TOGARAM2: variants seen among roughly 807,000 people sequenced by gnomAD.
The protein encoded by TOGARAM2 is TOG array regulator of axonemal microtubules 2.
A neutral mutation model predicts 93.3 loss-of-function variants in TOGARAM2; 85 were observed. That is an observed-to-expected ratio of 0.91 (90% CI 0.76 to 1.09). The LOEUF is 1.09. Ranked by LOEUF, TOGARAM2 falls within the 50% of genes least tolerant of loss-of-function variation. The probability of loss-of-function intolerance (pLI) is 0.00; values close to 1 mark genes in which losing one functional copy is unlikely to be tolerated. For missense variants in TOGARAM2, 1,277 were observed against 1,334.5 expected, an observed-to-expected ratio of 0.96 and a Z score of 0.67; for synonymous variants, 593 against 552.8, an observed-to-expected ratio of 1.07 and a Z score of -1.02.
At chr2:29,042,631 G>A (rs188010505) in intron 18 of TOGARAM2, among the ~76,000 whole-genome samples, 7 of 152,312 alleles carry the variant, frequency 4.6e-5, no homozygotes, top group Non-Finnish European at 7.3e-5. Flanking sequence ...CCCTGTCTCA[G>A]CTGCTTAGTC....
intron 18 of TOGARAM2, among the ~76,000 whole-genome samples, chr2:29,040,805 A>G (rs1251991020): frequency 6.6e-6 from 1 of 152,124 alleles, no homozygotes. Context: ...GCCTGCTGCC[A>G]CTAGACTCTC....
chr2:29,033,694 T>C (rs1411241049), intron 16 of TOGARAM2, 131 bp downstream of exon 16: 3 of 751,850 alleles, frequency 4.0e-6, no homozygotes, highest in African/African-American at 1.8e-5. Context: ...TAGTTGGGGC[T>C]GCAATACTAA....
intron 1 of TOGARAM2, among the ~76,000 whole-genome samples, chr2:28,988,156 C>T (rs1413884832): frequency 6.6e-6 from 1 of 152,226 alleles, no homozygotes; most frequent in Non-Finnish European, 1.5e-5. Context: ...TCCCGATAAT[C>T]AGATGGCAAT....
intron 1 of TOGARAM2, among the ~76,000 whole-genome samples, chr2:28,969,905 C>T (rs565146934): frequency 4.6e-5 from 7 of 151,300 alleles, no homozygotes; most frequent in Non-Finnish European, 8.8e-5. Flanking sequence ...CTCTGCATCC[C>T]GGGTTCAAGC....
At chr2:28,958,192 A>C (rs1671752317) in intron 1 of TOGARAM2, among the ~76,000 whole-genome samples, 1 of 152,072 alleles carries the variant, frequency 6.6e-6, no homozygotes, top group South Asian at 2.1e-4. Flanking sequence ...CAGGTGTAAG[A>C]GATTATCTAG....
chr2:29,038,925 G>A (rs1400256072), intron 18 of TOGARAM2, among the ~76,000 whole-genome samples: 3 of 152,240 alleles, frequency 2.0e-5, no homozygotes, highest in African/African-American at 7.2e-5. Context: ...ACTGGAGGGA[G>A]TAGGTTACCA....
At position 29,003,621 on chromosome 2, in the gene TOGARAM2, CT is replaced by C; in HGVS notation, c.771del (p.Ser259AlafsTer13). The C allele has an allele frequency of 1.3e-6, 2 of 1,592,926 alleles. No individual in the cohort carries two copies. The highest frequency in any genetic ancestry group is 1.7e-6 in the Non-Finnish European group (2 of 1,170,858). On this transcript the variant is annotated frameshift_variant, in exon 6 of 20. Transcript: ENST00000379558. LOFTEE classifies it high-confidence loss of function. ...AATPSRVPGS[L>X]PSPLPPGQGV... Reference sequence around the variant, plus strand: ...GACCCCCTCCCGTGTGCCTGGCTCCCTTCCCAGCCCGTTACCTCCAGGCCAG... The same window carrying C: ...GACCCCCTCCCGTGTGCCTGGCTCCCTCCCAGCCCGTTACCTCCAGGCCAG...
At chr2:28,974,810 T>A (rs927511693) in intron 1 of TOGARAM2, among the ~76,000 whole-genome samples, 6 of 151,552 alleles carry the variant, frequency 4.0e-5, no homozygotes, top group African/African-American at 1.2e-4. Flanking sequence ...ATTATTTTTT[T>A]AATAGAGACA....
At chr2:28,975,709 A>G (rs545897717) in intron 1 of TOGARAM2, among the ~76,000 whole-genome samples, 6 of 151,962 alleles carry the variant, frequency 3.9e-5, no homozygotes, top group African/African-American at 1.4e-4. Context: ...CATTTTGGGT[A>G]TTGTGTTGTG....
intron 16 of TOGARAM2, among the ~76,000 whole-genome samples, chr2:29,035,260 G>A (rs1666017299): frequency 6.6e-6 from 1 of 152,174 alleles, no homozygotes; most frequent in South Asian, 2.1e-4. Flanking sequence ...GAAAAAGGTA[G>A]GAAGAGAGAG....
At chr2:29,029,959 T>C (rs376689949) in intron 14 of TOGARAM2, among the ~76,000 whole-genome samples, 2 of 151,840 alleles carry the variant, frequency 1.3e-5, no homozygotes, top group East Asian at 1.9e-4. Flanking sequence ...AAATAAAAAA[T>C]TAAAACAAAA....
intron 7 of TOGARAM2, among the ~76,000 whole-genome samples, chr2:29,012,848 A>G (rs1317169570): frequency 6.6e-6 from 1 of 152,176 alleles, no homozygotes; most frequent in Non-Finnish European, 1.5e-5. Context: ...TGCCCTGGCC[A>G]GGTGGTGCCT....
intron 1 of TOGARAM2, among the ~76,000 whole-genome samples, chr2:28,986,302 C>T (rs1672465114): frequency 6.6e-6 from 1 of 152,068 alleles, no homozygotes; most frequent in African/African-American, 2.4e-5. Context: ...TGTTAATTCT[C>T]ACATCAGAAT....
At chr2:29,004,690 G>A (rs1454206971) in intron 6 of TOGARAM2, among the ~76,000 whole-genome samples, 2 of 152,068 alleles carry the variant, frequency 1.3e-5, no homozygotes, top group Non-Finnish European at 2.9e-5. Flanking sequence ...GCATGTATGT[G>A]AGTACAAGAG....
chr2:29,026,881 G>A lies in TOGARAM2; in HGVS notation c.1882G>A (p.Ala628Thr), dbSNP rs199667352. The A allele has an allele frequency of 1.4e-4, 225 of 1,592,064 alleles. No individual in the cohort carries two copies. The Admixed American group carries it at 1.7e-3, about 12-fold the overall frequency. Reference sequence around the variant, plus strand: ...CCGGAACCCCTTGATCCGGAAATACGCGGCTGAGCACCTCTCAGCTGTGCT... The same window carrying A: ...CCGGAACCCCTTGATCCGGAAATACACGGCTGAGCACCTCTCAGCTGTGCT... ...YHRNPLIRKY[A>T]AEHLSAVLEQ... Residue 628 changes from alanine to threonine, a missense_variant, in exon 14 of 20, where the codon GCG (alanine) becomes ACG (threonine). Ala to Thr is a moderately conservative substitution (Grantham distance 58, BLOSUM62 0). Transcript: ENST00000379558.
intron 10 of TOGARAM2, among the ~76,000 whole-genome samples, chr2:29,020,671 G>T (rs905455378): frequency 2.6e-5 from 4 of 152,180 alleles, no homozygotes; most frequent in Admixed American, 1.3e-4. Flanking sequence ...GGCGAGGAAG[G>T]GGGGCAGCAG....
At chr2:29,016,711 C>T (rs570367255) in intron 8 of TOGARAM2, among the ~76,000 whole-genome samples, 37 of 152,152 alleles carry the variant, frequency 2.4e-4, no homozygotes, top group Non-Finnish European at 3.7e-4. Flanking sequence ...TGTCCTGTCA[C>T]TTCTCTGACT....
At chr2:29,010,560 G>C (rs748237512) in intron 6 of TOGARAM2, among the ~76,000 whole-genome samples, 2 of 152,088 alleles carry the variant, frequency 1.3e-5, no homozygotes, top group African/African-American at 4.8e-5. Context: ...CCTGCAGCCC[G>C]GCCTGGACTG....
chr2:29,036,096 C>G (rs1391605069), intron 17 of TOGARAM2, among the ~76,000 whole-genome samples: 1 of 152,084 alleles, frequency 6.6e-6, no homozygotes, highest in Non-Finnish European at 1.5e-5. Context: ...AGGCTGCTGA[C>G]AGTCAGTTAC....
Sources: gnomAD v4.1 joint callset for allele counts (sites outside exome capture counted in the v4.1 genomes callset) on GRCh38, gnomAD v4.1.1 for gene constraint, MANE v1.5 for transcripts, NCBI Gene and HGNC (gene_info 2026-07-23, HGNC 2026-07-21) for gene names.